Variants in HGD observed in about 807,000 individuals in gnomAD.
The protein encoded by HGD is homogentisate oxidase.
HGD carries 61 observed loss-of-function variants against 60.8 expected under a neutral mutation model. The ratio of observed to expected loss-of-function variants is 1.00; its 90% confidence interval spans 0.82 to 1.24. The LOEUF is 1.24. HGD is among the 50% of genes most tolerant of loss of function. The probability of loss-of-function intolerance (pLI) is 0.00; values close to 1 mark genes in which losing one functional copy is unlikely to be tolerated. For missense variants in HGD, 542 were observed against 547.1 expected, an observed-to-expected ratio of 0.99 and a Z score of 0.09; for synonymous variants, 212 against 187.7, an observed-to-expected ratio of 1.13 and a Z score of -1.06.
rs1940854830 is a variant in HGD, at chr3:120,638,480, C to A, written c.981G>T (p.Lys327Asn). ...IFPPRWGVADKTFRPPYYHRN... is the reference protein window; with the variant it reads ...IFPPRWGVADNTFRPPYYHRN... ...TATGGTAATAAGGAGGCCTGAAGGT[C>A]TTATCAGCAACCCCCCATCGAGGTG... is the stretch of plus-strand genomic sequence containing the variant. Residue 327 changes from lysine to asparagine, a missense_variant, in exon 12 of 14, where the codon AAG (lysine) becomes AAT (asparagine). Lys to Asn is a moderately conservative substitution (Grantham distance 94, BLOSUM62 0). This residue lies in a region of HGD where 537 missense variants were observed against 529.1 expected (regional missense o/e 1.01). Coordinates refer to ENST00000283871, the MANE Select transcript of HGD (RefSeq NM_000187.4). 6.2e-7 allele frequency: 1 copy of A among 1,613,868 alleles called. No homozygotes were observed. The highest frequency in any genetic ancestry group is 8.5e-7 in the Non-Finnish European group (1 of 1,179,890).
At chr3:120,635,274 G>A (rs1308151314) in intron 12 of HGD, among the ~76,000 whole-genome samples, 1 of 151,874 alleles carries the variant, frequency 6.6e-6, no homozygotes, top group Non-Finnish European at 1.5e-5. Flanking sequence ...TCAAGAGATC[G>A]AGACCATCCT....
At chr3:120,681,055 T>C (rs1279669477) in intron 1 of HGD, among the ~76,000 whole-genome samples, 1 of 152,266 alleles carries the variant, frequency 6.6e-6, no homozygotes, top group Non-Finnish European at 1.5e-5. Flanking sequence ...CAAAGTCTTT[T>C]ACTCCGGTGT....
chr3:120,665,652 G>A (rs1234573256), intron 4 of HGD, among the ~76,000 whole-genome samples: 1 of 152,240 alleles, frequency 6.6e-6, no homozygotes, highest in Non-Finnish European at 1.5e-5. Flanking sequence ...AGAAAATGAA[G>A]GCTTTAGGGG....
At chr3:120,669,927 AC>A (rs1707987185) in intron 4 of HGD, among the ~76,000 whole-genome samples, 1 of 152,116 alleles carries the variant, frequency 6.6e-6, no homozygotes, top group African/African-American at 2.4e-5. Flanking sequence ...TCTGTGTCTC[AC>A]CCAAATCTCA....
rs149888385 is a variant in HGD at position 120,675,179 on chromosome 3, G to A, written c.88-190C>T. Among the ~76,000 whole-genome samples the A allele has an allele frequency of 6.9e-3, 1,057 of 152,088 alleles. 1 individual carries two copies. Among genetic ancestry groups the A allele is most frequent in the Non-Finnish European group, 0.012 (828 of 68,006 alleles). On this transcript the variant is annotated intron_variant, in intron 2 of 13. Coordinates refer to ENST00000283871, the MANE Select transcript of HGD (RefSeq NM_000187.4). ...ATTATAAAAGTAATATATATTTATT[G>A]TAGAAAATGTATAAACTATATGATA...
chr3:120,640,376 C>G (rs1940932009), intron 11 of HGD, among the ~76,000 whole-genome samples: 1 of 151,896 alleles, frequency 6.6e-6, no homozygotes, highest in African/African-American at 2.4e-5. Context: ...AGTGCATTGA[C>G]AGAAGGGAGA....
At chr3:120,648,577 C>T (rs1941236624) in intron 6 of HGD, among the ~76,000 whole-genome samples, 1 of 152,198 alleles carries the variant, frequency 6.6e-6, no homozygotes, top group Non-Finnish European at 1.5e-5. Flanking sequence ...CTTTGTTTTG[C>T]AAAGCCAGTA....
intron 7 of HGD, 41 bp downstream of exon 7, chr3:120,647,836 G>C (rs758680702): frequency 6.6e-7 from 1 of 1,507,184 alleles, no homozygotes; most frequent in African/African-American, 1.4e-5. Flanking sequence ...GCGGTTAGGG[G>C]TCAATTAACA....
At chr3:120,654,002 G>A (rs1941419352) in intron 4 of HGD, among the ~76,000 whole-genome samples, 1 of 152,158 alleles carries the variant, frequency 6.6e-6, no homozygotes, top group Admixed American at 6.5e-5. Flanking sequence ...TCCCAGTTGA[G>A]AACCACTGAC....
intron 4 of HGD, among the ~76,000 whole-genome samples, chr3:120,655,953 T>C (rs1314125679): frequency 6.6e-6 from 1 of 152,252 alleles, no homozygotes; most frequent in Non-Finnish European, 1.5e-5. Flanking sequence ...ATTTAGTCCT[T>C]GATATGCACT....
Position 120,646,349 on chromosome 3 carries a change from G to C in HGD, c.567C>G (p.Ser189Arg), listed in dbSNP as rs750428921. The C allele has an allele frequency of 1.7e-5, 28 of 1,611,434 alleles. No homozygotes were observed. In the African/African-American group the frequency reaches 3.6e-4, roughly 21 times the overall value. ...CCCTGGTCTCCTCAAAGACATCTAT[G>C]CTGAACCGCATTCCTCTCTGGAATG... ...ICVIQRGMRFSIDVFEETRGY... is the reference protein window; with the variant it reads ...ICVIQRGMRFRIDVFEETRGY... Residue 189 changes from serine to arginine, a missense_variant, in exon 9 of 14, where the codon AGC (serine) becomes AGG (arginine). Physicochemically the swap from Ser to Arg is moderately radical, Grantham distance 110 (BLOSUM62 -1). Transcript: ENST00000283871.
intron 13 of HGD, among the ~76,000 whole-genome samples, chr3:120,630,004 G>A (rs1226061887): frequency 1.3e-5 from 2 of 151,932 alleles, no homozygotes. Flanking sequence ...AGCCAAATCA[G>A]GAATGCAATC....
At chr3:120,631,308 T>C (rs1006953653) in intron 13 of HGD, among the ~76,000 whole-genome samples, 2 of 152,168 alleles carry the variant, frequency 1.3e-5, no homozygotes. Flanking sequence ...AGGGTGACCA[T>C]AGTCAATAAA....
In HGD at chr3:120,638,442, AAG is replaced by A; in HGVS notation, c.1006+11_1006+12del. On this transcript the variant is annotated intron_variant, in intron 12 of 13. Coordinates refer to ENST00000283871, the MANE Select transcript of HGD (RefSeq NM_000187.4). ...TTGGCTTGCAAATGTGGCTTGGTAA[AAG>A]AGAGACTTACTATGGTAATAAGGAG... is the stretch of plus-strand genomic sequence containing the variant. The A allele has an allele frequency of 6.2e-7, 1 of 1,613,708 alleles. No individual in the cohort carries two copies. Among genetic ancestry groups the A allele is most frequent in the Non-Finnish European group, 8.5e-7 (1 of 1,179,792 alleles).
intron 9 of HGD, among the ~76,000 whole-genome samples, chr3:120,645,412 A>G (rs1191580047): frequency 6.6e-6 from 1 of 152,200 alleles, no homozygotes; most frequent in African/African-American, 2.4e-5. Flanking sequence ...GAAGGGAAGA[A>G]TTGGGAGATG....
At chr3:120,629,482 C>A (rs988029173) in intron 13 of HGD, among the ~76,000 whole-genome samples, 2 of 152,150 alleles carry the variant, frequency 1.3e-5, no homozygotes, top group South Asian at 4.1e-4. Context: ...CTGTGACAGG[C>A]TTGATGGGAA....
chr3:120,667,498 T>C (rs947144561), intron 4 of HGD, among the ~76,000 whole-genome samples: 1 of 151,980 alleles, frequency 6.6e-6, no homozygotes. Flanking sequence ...ATAATAAAGG[T>C]ATATTACTGA....
At chr3:120,641,011 A>G (rs1240402521) in intron 11 of HGD, among the ~76,000 whole-genome samples, 1 of 152,228 alleles carries the variant, frequency 6.6e-6, no homozygotes, top group East Asian at 1.9e-4. Context: ...ACTGTAGACC[A>G]GAGACCATTT....
At position 120,647,015 on chromosome 3, in the gene HGD, A is replaced by C. The variant is rs756134838; in HGVS notation, c.507T>G (p.Phe169Leu). 2.5e-6 allele frequency: 4 copies of C among 1,614,146 alleles called. No homozygotes were observed. The highest frequency in any genetic ancestry group is 3.4e-6 in the Non-Finnish European group (4 of 1,179,974). The change falls in exon 8 of 14, where the codon TTT becomes TTG. Residue 169 changes from phenylalanine (F) to leucine (L), a missense_variant. Transcript: ENST00000283871. ...QKGNLLIYTE[F>L]GKMLVQPNEI... ...CATTGGGCTGTACAAGCATCTTGCC[A>C]AACTCGGTGTAAATGAGAAGGTTCC...
Sources: allele counts gnomAD v4.1 joint callset (sites outside exome capture counted in the v4.1 genomes callset), GRCh38; gene constraint gnomAD v4.1.1; regional missense constraint gnomAD v4.1.1; transcripts MANE v1.5; gene names NCBI Gene and HGNC (gene_info 2026-07-23, HGNC 2026-07-21).